The following MMP16 variants were observed in gnomAD, a reference collection of about 807,000 sequenced individuals.
MMP16 encodes matrix metallopeptidase 16.
Under a neutral mutation model 67.8 loss-of-function variants are expected in MMP16, and 12 were observed. That is an observed-to-expected ratio of 0.18 (90% CI 0.11 to 0.29). MMP16 has a LOEUF of 0.29. Ranked by LOEUF, MMP16 falls within the 10% of genes least tolerant of loss-of-function variation. The pLI, the probability that MMP16 is intolerant of heterozygous loss-of-function variation, is 1.00. For missense variants in MMP16, 475 were observed against 765.7 expected (o/e 0.62, Z 4.48); for synonymous variants, 249 against 255.9 (o/e 0.97, Z 0.26).
chr8:88,055,875 T>C (rs537546923), intron 8 of MMP16, among the ~76,000 whole-genome samples: 1 of 152,172 alleles, frequency 6.6e-6, no homozygotes, highest in Non-Finnish European at 1.5e-5. Context: ...TATGGGCATG[T>C]TACAATTATG....
At chr8:88,298,962 ATTATAT>A (rs1811056179) in intron 1 of MMP16, among the ~76,000 whole-genome samples, 1 of 152,148 alleles carries the variant, frequency 6.6e-6, no homozygotes, top group Non-Finnish European at 1.5e-5. Context: ...CATTTCTAAC[ATTATAT>A]TTATAGTTTA....
intron 1 of MMP16, among the ~76,000 whole-genome samples, chr8:88,297,860 C>T (rs1811036435): frequency 6.6e-6 from 1 of 152,108 alleles, no homozygotes; most frequent in Non-Finnish European, 1.5e-5. Flanking sequence ...TAACATTTAG[C>T]ACAATGTCTG....
chr8:88,088,609 C>CT (rs1808883231), intron 6 of MMP16, among the ~76,000 whole-genome samples: 2 of 152,048 alleles, frequency 1.3e-5, no homozygotes, highest in African/African-American at 4.8e-5. Flanking sequence ...ACAGGGGAGA[C>CT]TAATCCTCAT....
intron 6 of MMP16, among the ~76,000 whole-genome samples, chr8:88,101,167 G>C (rs2118378160): frequency 6.6e-6 from 1 of 151,870 alleles, no homozygotes. Flanking sequence ...TCATTATACA[G>C]ATGAAAAAAC....
intron 1 of MMP16, among the ~76,000 whole-genome samples, chr8:88,201,569 CTT>C (rs1267482135): frequency 6.6e-6 from 1 of 152,034 alleles, no homozygotes; most frequent in Non-Finnish European, 1.5e-5. Context: ...AAATTACTGA[CTT>C]CACCTCAAAT....
chr8:88,265,224 T>TTTTTTC (rs35669550), intron 1 of MMP16, among the ~76,000 whole-genome samples: 10 of 7,344 alleles, frequency 1.4e-3, no homozygotes, highest in African/African-American at 2.3e-3. Flanking sequence ...GACCATTTCC[T>TTTTTTC]TTTTTTTTTT....
At chr8:88,156,792 T>C (rs1328056186) in intron 4 of MMP16, among the ~76,000 whole-genome samples, 2 of 152,082 alleles carry the variant, frequency 1.3e-5, no homozygotes, top group East Asian at 1.9e-4. Context: ...TGTTGATGTC[T>C]AGATTTAAAG....
At chr8:88,193,697 A>T (rs1173756193) in intron 2 of MMP16, among the ~76,000 whole-genome samples, 1 of 152,014 alleles carries the variant, frequency 6.6e-6, no homozygotes, top group Non-Finnish European at 1.5e-5. Flanking sequence ...CATAACAAGT[A>T]CCCTATAAAT....
chr8:88,258,294 T>C (rs968559509), intron 1 of MMP16, among the ~76,000 whole-genome samples: 1 of 152,312 alleles, frequency 6.6e-6, no homozygotes, highest in African/African-American at 2.4e-5. Flanking sequence ...ATGATTAAAA[T>C]GCACCTAGTT....
intron 6 of MMP16, among the ~76,000 whole-genome samples, chr8:88,085,342 T>G (rs1188651083): frequency 2.0e-5 from 3 of 152,086 alleles, no homozygotes; most frequent in Non-Finnish European, 4.4e-5. Context: ...TGACACAAGC[T>G]GGTTTTTGGT....
rs1196196674 is a variant in MMP16, at chr8:88,192,819, T to A, written c.281+4339A>T. Among the ~76,000 whole-genome samples the A allele has an allele frequency of 2.6e-5, 4 of 152,238 alleles. No individual in the cohort carries two copies. In the East Asian group the frequency reaches 7.7e-4, roughly 29 times the overall value. Reference sequence around the variant, plus strand: ...AAAAATCTACTTATTCAACCTTAAATAAATTTTAATTAAGTTAAATTTCTG... The same window carrying A: ...AAAAATCTACTTATTCAACCTTAAAAAAATTTTAATTAAGTTAAATTTCTG... On this transcript the variant is annotated intron_variant, in intron 2 of 9. Transcript: ENST00000286614.
intron 1 of MMP16, among the ~76,000 whole-genome samples, chr8:88,311,748 C>T (rs1329238522): frequency 6.6e-6 from 1 of 151,882 alleles, no homozygotes; most frequent in Non-Finnish European, 1.5e-5. Flanking sequence ...AATGTGAGAA[C>T]CACTGTACTA....
At chr8:88,243,627 A>G (rs1810065150) in intron 1 of MMP16, among the ~76,000 whole-genome samples, 2 of 152,190 alleles carry the variant, frequency 1.3e-5, no homozygotes, top group South Asian at 4.1e-4. Context: ...CCTCAAATTT[A>G]TGATGGCATT....
chr8:88,293,935 G>C (rs886808536), intron 1 of MMP16, among the ~76,000 whole-genome samples: 1 of 151,930 alleles, frequency 6.6e-6, no homozygotes, highest in African/African-American at 2.4e-5. Context: ...AAGAATGAAA[G>C]GAAAAGAAAA....
chr8:88,207,146 A>G (rs1809441744), intron 1 of MMP16, among the ~76,000 whole-genome samples: 1 of 152,246 alleles, frequency 6.6e-6, no homozygotes, highest in African/African-American at 2.4e-5. Context: ...ACCAAAAAAT[A>G]TACACAAATC....
At chr8:88,257,803 A>G (rs1370326162) in intron 1 of MMP16, among the ~76,000 whole-genome samples, 1 of 152,190 alleles carries the variant, frequency 6.6e-6, no homozygotes, top group Non-Finnish European at 1.5e-5. Context: ...AGACCTCACT[A>G]TCCTATTAAA....
rs186378886 is a variant in MMP16 at position 88,161,903 on chromosome 8, C to T, written c.709+5766G>A. Reference sequence around the variant, plus strand: ...TTAATCCTGAGTTCTAGTTTGATTGCGCTGTGGTCTGAGAGACAGTTTGTT... The same window carrying T: ...TTAATCCTGAGTTCTAGTTTGATTGTGCTGTGGTCTGAGAGACAGTTTGTT... On this transcript the variant is annotated intron_variant, in intron 4 of 9. Coordinates refer to ENST00000286614, the MANE Select transcript of MMP16 (RefSeq NM_005941.5). Among the ~76,000 whole-genome samples the T allele has an allele frequency of 2.1e-3, 315 of 152,078 alleles. 6 individuals carry two copies. The highest frequency in any genetic ancestry group is 0.017 in the East Asian group (86 of 5,170).
chr8:88,140,506 A>T (rs1010600167), intron 4 of MMP16, among the ~76,000 whole-genome samples: 1 of 152,154 alleles, frequency 6.6e-6, no homozygotes, highest in African/African-American at 2.4e-5. Context: ...ATTTGTAGAT[A>T]TATTTTAGAA....
At chr8:88,105,149 A>G (rs527486114) in intron 6 of MMP16, among the ~76,000 whole-genome samples, 5 of 35,598 alleles carry the variant, frequency 1.4e-4, no homozygotes, top group African/African-American at 5.5e-4. Context: ...CTTTTATCTC[A>G]TCTTTTTTTT....
Sources: gnomAD v4.1 joint callset for allele counts (sites outside exome capture counted in the v4.1 genomes callset) on GRCh38, gnomAD v4.1.1 for gene constraint, MANE v1.5 for transcripts, NCBI Gene and HGNC (gene_info 2026-07-23, HGNC 2026-07-21) for gene names.